The following DPP6 variants were observed in gnomAD, a reference collection of about 807,000 sequenced individuals.
DPP6 encodes the protein dipeptidyl peptidase like 6, also known as A-type potassium channel modulatory protein DPP6.
A neutral mutation model predicts 122.6 loss-of-function variants in DPP6; 69 were observed. That is an observed-to-expected ratio of 0.56 (90% confidence interval 0.46 to 0.69). The LOEUF is 0.69. Among genes scored for constraint, DPP6 ranks in the 30% least tolerant of loss-of-function variants. DPP6 has a pLI of 0.00. For synonymous variants in DPP6, 418 were observed against 433.1 expected, an observed-to-expected ratio of 0.97 and a Z score of 0.43; for missense variants, 928 against 1,116.9, an observed-to-expected ratio of 0.83 and a Z score of 2.41.
intron 15 of DPP6, among the ~76,000 whole-genome samples, chr7:154,805,225 G>A (rs922511528): frequency 8.5e-5 from 13 of 152,186 alleles, no homozygotes; most frequent in African/African-American, 7.2e-5. Flanking sequence ...TTTGGCTAAC[G>A]GATGGACTTT....
chr7:154,749,980 A>C (rs368225461), intron 8 of DPP6, among the ~76,000 whole-genome samples: 26 of 132,548 alleles, frequency 2.0e-4, no homozygotes, highest in African/African-American at 3.4e-4. Context: ...CTTTACTGAG[A>C]GAGGGTGAGA....
At chr7:154,538,607 A>T (rs77416561) in intron 3 of DPP6, among the ~76,000 whole-genome samples, 2 of 152,226 alleles carry the variant, frequency 1.3e-5, no homozygotes, top group African/African-American at 4.8e-5. Context: ...TTAGAAATTC[A>T]TTCAGAGTAA....
chr7:154,060,089 CA>C (rs527432002), intron 1 of DPP6, among the ~76,000 whole-genome samples: 8,907 of 146,250 alleles, frequency 0.061, 327 homozygotes, highest in Middle Eastern at 0.1. Context: ...ACCACCATCG[CA>C]GGGGGGGAGG....
intron 1 of DPP6, among the ~76,000 whole-genome samples, chr7:154,088,320 C>T (rs368054775): frequency 0.013 from 1,796 of 141,720 alleles, 28 homozygotes; most frequent in African/African-American, 0.023. Context: ...ACACCAACCA[C>T]GATGCCTGCC....
intron 1 of DPP6, among the ~76,000 whole-genome samples, chr7:154,187,052 A>G (rs558675876): frequency 6.6e-6 from 1 of 152,322 alleles, no homozygotes; most frequent in East Asian, 1.9e-4. Flanking sequence ...CAGTCTGGTG[A>G]AAAAGCCTGT....
Position 154,668,220 on chromosome 7 carries a change from A to ATATATATAT in DPP6, c.681-1136_681-1135insTATATTATA, listed in dbSNP as rs59348250. Among the ~76,000 whole-genome samples the ATATATATAT allele has an allele frequency of 7.0e-3, 175 of 24,974 alleles. 8 individuals carry two copies. The highest frequency in any genetic ancestry group is 0.012 in the African/African-American group (148 of 12,626). The allele number at this position is 24,974 out of a possible 152,430, so 16.4% of individuals were successfully genotyped here. A position where few individuals can be genotyped will look rare whatever the true frequency, so the allele number is the denominator to read the frequency against. ...TTTTATATATATATATATATATATAATATACACATTTTTTTTTCAAGACAG... is the reference window on the plus strand; with the variant it reads ...TTTTATATATATATATATATATATAATATATATATTATACACATTTTTTTTTCAAGACAG... On this transcript the variant is annotated intron_variant, in intron 6 of 25. Coordinates refer to ENST00000377770, the MANE Select transcript of DPP6 (RefSeq NM_130797.4).
intron 3 of DPP6, among the ~76,000 whole-genome samples, chr7:154,535,226 T>G (rs981543391): frequency 6.6e-6 from 1 of 152,084 alleles, no homozygotes; most frequent in African/African-American, 2.4e-5. Flanking sequence ...TAACTAAAAT[T>G]TGATCGTAGA....
intron 4 of DPP6, among the ~76,000 whole-genome samples, chr7:154,566,556 G>T (rs1830762676): frequency 1.3e-5 from 2 of 151,998 alleles, no homozygotes; most frequent in South Asian, 4.1e-4. Flanking sequence ...CTCCCAAAGT[G>T]CTGGGATTAC....
chr7:154,027,350 T>C (rs890199819), intron 1 of DPP6, among the ~76,000 whole-genome samples: 1 of 152,188 alleles, frequency 6.6e-6, no homozygotes, highest in African/African-American at 2.4e-5. Context: ...AGTTTGCTTA[T>C]TATAGCCATC....
At position 154,885,752 on chromosome 7, in the gene DPP6, GC is replaced by G; in HGVS notation, c.2245+11del. On this transcript the variant is annotated intron_variant, in intron 22 of 25. Coordinates refer to ENST00000377770, the MANE Select transcript of DPP6 (RefSeq NM_130797.4). ...CAGACTTCAAACTCTATGGTAAATA[GC>G]CCTGCAGGACCAAGCGACGGGCTCT... 6.3e-7 allele frequency: 1 copy of G among 1,580,590 alleles called. No homozygotes were observed. Among genetic ancestry groups the G allele is most frequent in the East Asian group, 2.3e-5 (1 of 43,114 alleles).
chr7:154,050,710 C>T (rs193239333), upstream of DPP6, among the ~76,000 whole-genome samples: 1 of 151,462 alleles, frequency 6.6e-6, no homozygotes, highest in East Asian at 1.9e-4. Context: ...CTCCCCACCC[C>T]AGACCCACCT....
intron 6 of DPP6, among the ~76,000 whole-genome samples, chr7:154,652,219 T>C (rs546101740): frequency 2.8e-4 from 43 of 151,850 alleles, no homozygotes; most frequent in Non-Finnish European, 5.9e-4. Flanking sequence ...TGCACCCTGC[T>C]CTGCTCATTA....
chr7:154,639,499 C>T (rs1299196757), intron 6 of DPP6, among the ~76,000 whole-genome samples: 2 of 152,178 alleles, frequency 1.3e-5, no homozygotes, highest in East Asian at 1.9e-4. Context: ...ATAGATATTT[C>T]GTTCCATCTT....
intron 1 of DPP6, among the ~76,000 whole-genome samples, chr7:153,928,217 C>CA (rs1554409550): frequency 2.8e-5 from 4 of 141,268 alleles, no homozygotes; most frequent in Non-Finnish European, 4.7e-5. Context: ...TTCTTTTTTT[C>CA]TTTTTTTTTT....
At chr7:153,856,709 C>G in the DPP6 span, among the ~76,000 whole-genome samples, 1 of 152,176 alleles carries the variant, frequency 6.6e-6, no homozygotes, top group African/African-American at 2.4e-5. Context: ...GATCTGTTTG[C>G]TAACTTACCA....
At chr7:153,867,573 A>C in the DPP6 span, among the ~76,000 whole-genome samples, 2,011 of 120,596 alleles carry the variant, frequency 0.017, no homozygotes, top group African/African-American at 0.026. Context: ...GGTTTTCTAG[A>C]TATACAATCA....
At chr7:154,690,103 G>A (rs1839851636) in intron 7 of DPP6, among the ~76,000 whole-genome samples, 2 of 152,148 alleles carry the variant, frequency 1.3e-5, no homozygotes, top group Non-Finnish European at 2.9e-5. Flanking sequence ...AGGATAGAAG[G>A]ACTTGCTTAT....
the DPP6 span, among the ~76,000 whole-genome samples, chr7:153,864,195 C>T: frequency 6.6e-6 from 1 of 152,074 alleles, no homozygotes; most frequent in African/African-American, 2.4e-5. Flanking sequence ...TTTAACAGTC[C>T]CACCGGTAAT....
the DPP6 span, among the ~76,000 whole-genome samples, chr7:153,844,923 A>C: frequency 6.6e-6 from 1 of 152,228 alleles, no homozygotes; most frequent in Non-Finnish European, 1.5e-5. Context: ...AAATTTATGC[A>C]TCCTTCAATG....
Sources: gnomAD v4.1 joint callset for allele counts (sites outside exome capture counted in the v4.1 genomes callset) on GRCh38, gnomAD v4.1.1 for gene constraint, MANE v1.5 for transcripts, NCBI Gene and HGNC (gene_info 2026-07-23, HGNC 2026-07-21) for gene names.